ADAMTS16: variants seen among roughly 807,000 people sequenced by gnomAD.
The protein encoded by ADAMTS16 is ADAM metallopeptidase with thrombospondin type 1 motif 16, also known as A disintegrin and metalloproteinase with thrombospondin motifs 16.
ADAMTS16 carries 94 observed loss-of-function variants against 145.8 expected under a neutral mutation model. The observed-to-expected ratio is 0.64, with a 90% CI of 0.55 to 0.77. ADAMTS16 has a LOEUF of 0.77. Ranked by LOEUF, ADAMTS16 falls within the 30% of genes least tolerant of loss-of-function variation. ADAMTS16 has a pLI of 0.00. For missense variants in ADAMTS16, 1,585 were observed against 1,591.5 expected, an observed-to-expected ratio of 1.00 and a Z score of 0.07; for synonymous variants, 659 against 604.3, an observed-to-expected ratio of 1.09 and a Z score of -1.33.
chr5:5,185,973 A>G lies in ADAMTS16; in HGVS notation c.764-79A>G, dbSNP rs75403345. On this transcript the variant is annotated intron_variant, in intron 4 of 22. Coordinates refer to ENST00000274181, the MANE Select transcript of ADAMTS16 (RefSeq NM_139056.4). ...TCATGAGTGTTCATTTTTGAGACCA[A>G]ATTTCTCTATGACGAGTTACGGCCC... 5.2e-4 allele frequency: 682 copies of G among 1,302,960 alleles called. 5 individuals are homozygous for G. In the African/African-American group the frequency reaches 9.3e-3, roughly 18 times the overall value. The allele number at this position is 1,302,960 out of a possible 1,614,324, so 80.7% of individuals were successfully genotyped here.
At chr5:5,187,461 T>G (rs1289241352) in intron 5 of ADAMTS16, among the ~76,000 whole-genome samples, 1 of 152,200 alleles carries the variant, frequency 6.6e-6, no homozygotes, top group African/African-American at 2.4e-5. Flanking sequence ...TTAAAAATCC[T>G]CTTTATATTC....
At chr5:5,151,130 AT>A (rs1469831982) in intron 3 of ADAMTS16, among the ~76,000 whole-genome samples, 1 of 151,890 alleles carries the variant, frequency 6.6e-6, no homozygotes, top group Non-Finnish European at 1.5e-5. Context: ...CAATTCCAAA[AT>A]TTTTATTTCT....
intron 9 of ADAMTS16, among the ~76,000 whole-genome samples, chr5:5,206,296 G>A (rs1225772539): frequency 6.9e-6 from 1 of 145,644 alleles, no homozygotes; most frequent in Non-Finnish European, 1.5e-5. Context: ...CGTAGTGGCG[G>A]GCGCCTGTAG....
At chr5:5,282,806 A>G (rs1738971046) in intron 18 of ADAMTS16, among the ~76,000 whole-genome samples, 3 of 152,150 alleles carry the variant, frequency 2.0e-5, no homozygotes, top group Non-Finnish European at 4.4e-5. Context: ...CTTGGAAGCT[A>G]CCTATCAGAA....
At chr5:5,181,329 C>A (rs1011799286) in intron 3 of ADAMTS16, among the ~76,000 whole-genome samples, 1 of 152,158 alleles carries the variant, frequency 6.6e-6, no homozygotes, top group African/African-American at 2.4e-5. Context: ...CACCAACAAT[C>A]GTGCTACCAA....
At position 5,186,046 on chromosome 5, in the gene ADAMTS16, C is replaced by G. The variant is rs1010738023; in HGVS notation, c.764-6C>G. On this transcript the variant is annotated splice_region_variant and splice_polypyrimidine_tract_variant and intron_variant, in intron 4 of 22. Transcript: ENST00000274181. ...TTCCATTTGCCCTCCATGTGTCCCT[C>G]CATAGACATGCCCCAGCCTCCCAAG... The G allele has an allele frequency of 6.2e-7, 1 of 1,611,052 alleles. No homozygotes were observed. The highest frequency in any genetic ancestry group is 1.1e-5 in the South Asian group (1 of 91,052).
At chr5:5,318,678 AAGGCTATTCT>A (rs1561010080) in intron 22 of ADAMTS16, among the ~76,000 whole-genome samples, 1 of 152,168 alleles carries the variant, frequency 6.6e-6, no homozygotes, top group Non-Finnish European at 1.5e-5. Flanking sequence ...GGCGCCTGTT[AAGGCTATTCT>A]GAGAGATAAT....
At position 5,190,094 on chromosome 5, in the gene ADAMTS16, A is replaced by G. The variant is rs1735620721; in HGVS notation, c.1171A>G (p.Ile391Val). 2.5e-6 allele frequency: 4 copies of G among 1,607,560 alleles called. No homozygotes were observed. Among genetic ancestry groups the G allele is most frequent in the South Asian group, 1.1e-5 (1 of 89,594 alleles). ...CGCCATCTTACTGACTGGTCTGGAT[A>G]TATGTTCCTGGAAGAATGAGCCCTG... ...DHAILLTGLD[I>V]CSWKNEPCDT... The change falls in exon 7 of 23, where the codon ATA (isoleucine) becomes GTA (valine). Residue 391 changes from isoleucine to valine, a missense_variant. Physicochemically the swap from Ile to Val is conservative, Grantham distance 29 (BLOSUM62 3). Transcript: ENST00000274181.
intron 4 of ADAMTS16, among the ~76,000 whole-genome samples, chr5:5,184,092 GCC>G (rs1560938460): frequency 6.6e-6 from 1 of 152,146 alleles, no homozygotes; most frequent in East Asian, 1.9e-4. Context: ...ACCAGCCCAG[GCC>G]CCGGAAAAGT....
intron 4 of ADAMTS16, among the ~76,000 whole-genome samples, chr5:5,183,022 A>G (rs1312240049): frequency 6.6e-6 from 1 of 152,154 alleles, no homozygotes; most frequent in Non-Finnish European, 1.5e-5. Context: ...CACCCTGAAT[A>G]GAGGCAGGCC....
intron 18 of ADAMTS16, among the ~76,000 whole-genome samples, chr5:5,267,423 C>T (rs954391653): frequency 1.3e-4 from 20 of 152,128 alleles, no homozygotes; most frequent in South Asian, 2.1e-4. Flanking sequence ...TATTGAGTGG[C>T]GGTAGCTCTC....
intron 4 of ADAMTS16, among the ~76,000 whole-genome samples, chr5:5,183,071 C>T (rs1735386386): frequency 6.6e-6 from 1 of 152,160 alleles, no homozygotes; most frequent in South Asian, 2.1e-4. Context: ...AATGAGTGAA[C>T]GAACAAAAAT....
chr5:5,211,410 A>G (rs878991267), intron 10 of ADAMTS16, among the ~76,000 whole-genome samples: 2 of 152,158 alleles, frequency 1.3e-5, no homozygotes, highest in Admixed American at 6.5e-5. Flanking sequence ...ATCCCCTTTC[A>G]TTCCTCATAA....
At chr5:5,246,065 T>G (rs2126399574) in intron 17 of ADAMTS16, among the ~76,000 whole-genome samples, 1 of 152,326 alleles carries the variant, frequency 6.6e-6, no homozygotes, top group African/African-American at 2.4e-5. Flanking sequence ...GGTGTGGTAA[T>G]GACTTCACTA....
intron 3 of ADAMTS16, 91 bp from the exon 4 acceptor site, chr5:5,181,953 A>G: frequency 7.2e-7 from 1 of 1,396,824 alleles, no homozygotes; most frequent in South Asian, 1.4e-5. Context: ...CTTCCAAGAG[A>G]ATAATAACAA....
chr5:5,311,132 T>C (rs4702260), intron 21 of ADAMTS16, among the ~76,000 whole-genome samples: 151,539 of 151,810 alleles, frequency 1, 75,635 homozygotes, highest in Non-Finnish European at 1. Flanking sequence ...CTTGCTGGCT[T>C]GTCCACTCTC....
rs1738388142 is a variant in ADAMTS16, at chr5:5,269,591, G to A, written c.2789+6808G>A. On this transcript the variant is annotated intron_variant, in intron 18 of 22. Transcript: ENST00000274181. The surrounding 1 kb of genome is among the most constrained non-coding windows in gnomAD (Gnocchi z 4.3). ...AGAATCTCCCTGTGCCTCCAACCCC[G>A]CTGCTCTGCCCTCCCTCCCATCACA... 6.6e-6 allele frequency among the ~76,000 whole-genome samples: 1 copy of A among 152,030 alleles called. No homozygotes were observed. Among genetic ancestry groups the A allele is most frequent in the Admixed American group, 6.6e-5 (1 of 15,266 alleles).
At chr5:5,311,219 C>T (rs1421857582) in intron 21 of ADAMTS16, among the ~76,000 whole-genome samples, 4 of 150,220 alleles carry the variant, frequency 2.7e-5, no homozygotes, top group Non-Finnish European at 4.4e-5. Flanking sequence ...CACCACCTAC[C>T]GAGACCTAAA....
intron 9 of ADAMTS16, among the ~76,000 whole-genome samples, chr5:5,202,236 G>T (rs536511778): frequency 9.1e-4 from 138 of 152,190 alleles, no homozygotes; most frequent in African/African-American, 3.2e-3. Flanking sequence ...CTCCTCCAAG[G>T]ACTAAAGTAT....
Sources: gnomAD v4.1 joint callset for allele counts (sites outside exome capture counted in the v4.1 genomes callset) on GRCh38, gnomAD v4.1.1 for gene constraint, Gnocchi (gnomAD v3.1) non-coding constraint, MANE v1.5 for transcripts, NCBI Gene and HGNC (gene_info 2026-07-23, HGNC 2026-07-21) for gene names.